CDH4: variants seen among roughly 807,000 people sequenced by gnomAD.
CDH4 encodes cadherin 4, also known as cadherin-4.
Under a neutral mutation model 86.0 loss-of-function variants are expected in CDH4, and 33 were observed. That is an observed-to-expected ratio of 0.38 (90% confidence interval 0.29 to 0.51). CDH4 has a LOEUF of 0.51. Among genes scored for constraint, CDH4 ranks in the 20% least tolerant of loss-of-function variants. The pLI is 0.86. For missense variants in CDH4, 1,114 were observed against 1,307.4 expected, an observed-to-expected ratio of 0.85 and a Z score of 2.28; for synonymous variants, 555 against 549.4, an observed-to-expected ratio of 1.01 and a Z score of -0.14.
chr20:61,351,272 C>T (rs957918327), intron 2 of CDH4, among the ~76,000 whole-genome samples: 1 of 152,152 alleles, frequency 6.6e-6, no homozygotes, highest in Non-Finnish European at 1.5e-5. Flanking sequence ...CTACACAATA[C>T]AATCTAACAA....
chr20:61,667,303 G>T (rs946303250), intron 2 of CDH4, among the ~76,000 whole-genome samples: 1 of 152,190 alleles, frequency 6.6e-6, no homozygotes, highest in Admixed American at 6.5e-5. Context: ...TGCACATCCC[G>T]CCCACCCTGG....
intron 2 of CDH4, among the ~76,000 whole-genome samples, chr20:61,707,952 C>T (rs1189807892): frequency 6.6e-6 from 1 of 152,112 alleles, no homozygotes; most frequent in Non-Finnish European, 1.5e-5. Context: ...CAGGGAGGGT[C>T]ATGGTGTGAA....
rs1367510279 is a variant in CDH4, at chr20:61,518,367, T to A, written c.170-225196T>A. ...TTCCACCTAAAGGAAAGGTACGTTA[T>A]CAGATAGGCTGGAATTTGGCCAAAT... On this transcript the variant is annotated intron_variant, in intron 2 of 15. Transcript: ENST00000614565. The surrounding 1 kb of genome is among the most constrained non-coding windows in gnomAD (Gnocchi z 6.3). Among the ~76,000 whole-genome samples, 1 of 152,180 alleles carries A rather than the reference T, an allele frequency of 6.6e-6. No homozygotes were observed. The highest frequency in any genetic ancestry group is 1.5e-5 in the Non-Finnish European group (1 of 68,038).
At chr20:61,513,258 G>A (rs578172873) in intron 2 of CDH4, among the ~76,000 whole-genome samples, 61 of 152,332 alleles carry the variant, frequency 4.0e-4, no homozygotes, top group African/African-American at 1.5e-3. Context: ...CAGGCCCACG[G>A]GCTGTGATGC....
intron 2 of CDH4, among the ~76,000 whole-genome samples, chr20:61,424,077 CACACACGTAT>C (rs1372565815): frequency 1.6e-4 from 24 of 152,210 alleles, no homozygotes; most frequent in South Asian, 4.1e-4. Context: ...CCACACACAG[CACACACGTAT>C]ACACACGTAT....
chr20:61,686,480 C>T (rs550653393), intron 2 of CDH4, among the ~76,000 whole-genome samples: 10 of 136,044 alleles, frequency 7.4e-5, no homozygotes, highest in East Asian at 2.2e-4. Context: ...TGTATATGTG[C>T]GTGTGTGTGC....
chr20:61,395,623 C>G (rs2085012550), intron 2 of CDH4, among the ~76,000 whole-genome samples: 1 of 151,990 alleles, frequency 6.6e-6, no homozygotes, highest in South Asian at 2.1e-4. Context: ...CTACAAAAAT[C>G]ACAAGCATTA....
chr20:61,320,923 G>T (rs1175784585), intron 2 of CDH4, among the ~76,000 whole-genome samples: 1 of 152,110 alleles, frequency 6.6e-6, no homozygotes, highest in Non-Finnish European at 1.5e-5. Flanking sequence ...TCCAGGCCTA[G>T]GCGGGAGCCA....
At chr20:61,556,386 G>C (rs762450122) in intron 2 of CDH4, among the ~76,000 whole-genome samples, 4 of 152,112 alleles carry the variant, frequency 2.6e-5, no homozygotes, top group Non-Finnish European at 5.9e-5. Flanking sequence ...GTGGAGACGG[G>C]GATGACACAG....
intron 2 of CDH4, among the ~76,000 whole-genome samples, chr20:61,726,154 C>T (rs2088108590): frequency 6.6e-6 from 1 of 152,048 alleles, no homozygotes; most frequent in Admixed American, 6.6e-5. Flanking sequence ...GAACCCTCTC[C>T]ACTCCTGCAG....
chr20:61,296,270 T>C (rs2084352519), intron 2 of CDH4, among the ~76,000 whole-genome samples: 1 of 5,922 alleles, frequency 1.7e-4, no homozygotes, highest in Non-Finnish European at 8.8e-4. Flanking sequence ...TGCGTGTGTG[T>C]GTGTGCGTGG....
At chr20:61,908,597 C>T (rs555058131) in intron 8 of CDH4, among the ~76,000 whole-genome samples, 27 of 152,312 alleles carry the variant, frequency 1.8e-4, no homozygotes, top group African/African-American at 6.3e-4. Flanking sequence ...GTCTGCTGGC[C>T]GCCCGACGCC....
intron 2 of CDH4, among the ~76,000 whole-genome samples, chr20:61,267,033 C>T (rs754828865): frequency 2.2e-4 from 34 of 152,092 alleles, no homozygotes; most frequent in Non-Finnish European, 4.7e-4. Flanking sequence ...AGCAATGCAA[C>T]CACAAGTCCA....
intron 2 of CDH4, among the ~76,000 whole-genome samples, chr20:61,659,951 T>C (rs993911744): frequency 4.6e-5 from 7 of 152,320 alleles, no homozygotes; most frequent in Middle Eastern, 3.4e-3. Flanking sequence ...CAAGCCTGTC[T>C]CTGTTCCTGA....
intron 8 of CDH4, among the ~76,000 whole-genome samples, chr20:61,904,823 G>C (rs951103162): frequency 6.6e-6 from 1 of 152,244 alleles, no homozygotes; most frequent in Admixed American, 6.5e-5. Context: ...GAGGCCCCAG[G>C]GTCTTGCTGG....
At chr20:61,383,959 C>T in intron 2 of CDH4, among the ~76,000 whole-genome samples, 1 of 151,818 alleles carries the variant, frequency 6.6e-6, no homozygotes, top group African/African-American at 2.4e-5. Context: ...GGCTGAGAAG[C>T]AAGGAGAGCC....
At chr20:61,678,394 A>T (rs1007624505) in intron 2 of CDH4, among the ~76,000 whole-genome samples, 1 of 152,222 alleles carries the variant, frequency 6.6e-6, no homozygotes, top group African/African-American at 2.4e-5. Context: ...TTTTCTGAAG[A>T]TGGTAACTGG....
At chr20:61,658,286 G>C (rs1254082531) in intron 2 of CDH4, among the ~76,000 whole-genome samples, 1 of 151,910 alleles carries the variant, frequency 6.6e-6, no homozygotes, top group Non-Finnish European at 1.5e-5. Context: ...TCCTCTCCGA[G>C]CTCCGGATCT....
At chr20:61,799,561 G>GCT (rs955383922) in intron 4 of CDH4, among the ~76,000 whole-genome samples, 1 of 152,154 alleles carries the variant, frequency 6.6e-6, no homozygotes, top group African/African-American at 2.4e-5. Flanking sequence ...CCAGGGGGCT[G>GCT]CTCTCTCCCA....
Sources: allele counts gnomAD v4.1 joint callset (sites outside exome capture counted in the v4.1 genomes callset), GRCh38; gene constraint gnomAD v4.1.1; non-coding constraint Gnocchi (gnomAD v3.1); transcripts MANE v1.5; gene names NCBI Gene and HGNC (gene_info 2026-07-23, HGNC 2026-07-21).